DENND4C: variants seen among roughly 807,000 people sequenced by gnomAD.
The protein encoded by DENND4C is DENN domain-containing protein 4C.
Under a neutral mutation model 203.0 loss-of-function variants are expected in DENND4C, and 108 were observed. That is an observed-to-expected ratio of 0.53 (90% CI 0.46 to 0.62). The LOEUF is 0.62. DENND4C is among the 20% of genes least tolerant of loss of function. The probability of loss-of-function intolerance (pLI) is 0.00; values close to 1 mark genes in which losing one functional copy is unlikely to be tolerated. For synonymous variants in DENND4C, 871 were observed against 792.4 expected, an observed-to-expected ratio of 1.10 and a Z score of -1.67; for missense variants, 2,481 against 2,301.2, an observed-to-expected ratio of 1.08 and a Z score of -1.60.
intron 10 of DENND4C, among the ~76,000 whole-genome samples, chr9:19,315,171 AAG>A (rs1554632734): frequency 2.0e-5 from 3 of 148,714 alleles, no homozygotes; most frequent in African/African-American, 4.9e-5. Flanking sequence ...AAAAAAAAAA[AAG>A]AAAAGAAAAA....
chr9:19,345,984 C>G lies in DENND4C; in HGVS notation c.3215C>G (p.Ala1072Gly). 2 of 1,614,032 alleles carry G rather than the reference C, an allele frequency of 1.2e-6. No individual in the cohort carries two copies. Among genetic ancestry groups the G allele is most frequent in the East Asian group, 2.2e-5 (1 of 44,880 alleles). ...DPVEDAVFGEATNLKKNGDRG... is the reference protein window; with the variant it reads ...DPVEDAVFGEGTNLKKNGDRG... ...GTTGAAGATGCAGTCTTTGGCGAAG[C>G]TACTAATCTCAAGAAGAATGGTGAT... The change falls in exon 23 of 33, where the codon GCT becomes GGT. Residue 1072 changes from alanine (A) to glycine (G), a missense_variant. Transcript: ENST00000434457.
chr9:19,286,943 C>T lies in DENND4C; in HGVS notation c.480C>T (p.Ile160=). Reference sequence around the variant, plus strand: ...AGAATTCCTTGGCTGTAACTGATATCTGTGTTATTGTAACCAGTAAAGGAG... The same window carrying T: ...AGAATTCCTTGGCTGTAACTGATATTTGTGTTATTGTAACCAGTAAAGGAG... ...RPQNSLAVTD[I]CVIVTSKGET... is the part of the protein sequence containing the mutation. Residue 160 remains isoleucine (I), a synonymous_variant, in exon 3 of 33, where the codon ATC becomes ATT. Coordinates refer to ENST00000434457, the MANE Select transcript of DENND4C (RefSeq NM_001330640.2). 4.9e-6 allele frequency: 6 copies of T among 1,232,096 alleles called. No homozygotes were observed. Among genetic ancestry groups the T allele is most frequent in the Non-Finnish European group, 6.1e-6 (6 of 987,952 alleles). The allele number at this position is 1,232,096 out of a possible 1,614,324, so 76.3% of individuals were successfully genotyped here. A position where few individuals can be genotyped will look rare whatever the true frequency, so the allele number is the denominator to read the frequency against.
chr9:19,311,239 T>C (rs1029767392), intron 10 of DENND4C, among the ~76,000 whole-genome samples: 6 of 152,130 alleles, frequency 3.9e-5, no homozygotes, highest in Non-Finnish European at 7.4e-5. Context: ...TTCTTGTGCC[T>C]CAGCCTTCTG....
chr9:19,263,757 C>G (rs898961726), intron 1 of DENND4C, among the ~76,000 whole-genome samples: 2 of 151,662 alleles, frequency 1.3e-5, no homozygotes, highest in Non-Finnish European at 2.9e-5. Context: ...CGGGTTCAAG[C>G]GATTTTCTTG....
At chr9:19,274,012 A>C (rs1027716813) in intron 1 of DENND4C, among the ~76,000 whole-genome samples, 1 of 152,088 alleles carries the variant, frequency 6.6e-6, no homozygotes, top group African/African-American at 2.4e-5. Context: ...CTAAATGTCC[A>C]TTAATATAGG....
At chr9:19,299,921 A>T (rs1025389760) in intron 8 of DENND4C, among the ~76,000 whole-genome samples, 2 of 151,838 alleles carry the variant, frequency 1.3e-5, no homozygotes, top group African/African-American at 4.8e-5. Flanking sequence ...TCACCCCTTC[A>T]CTCCCATCCT....
In DENND4C at chr9:19,366,628, G is replaced by A. The variant is rs369826698; in HGVS notation, c.5525-3209G>A. On this transcript the variant is annotated intron_variant, in intron 30 of 32. Transcript: ENST00000434457. ...AAAAAAAGAATAGTCTTTTCAACACGTGCTGGGACAACAGGCTAGCAATAA... is the reference window on the plus strand; with the variant it reads ...AAAAAAAGAATAGTCTTTTCAACACATGCTGGGACAACAGGCTAGCAATAA... Among the ~76,000 whole-genome samples the A allele has an allele frequency of 8.5e-5, 13 of 152,212 alleles. No homozygotes were observed. The East Asian group carries it at 2.1e-3, about 25-fold the overall frequency.
At position 19,373,846 on chromosome 9, in the gene DENND4C, C is replaced by G. The variant is rs983228747; in HGVS notation, c.*1673C>G. On this transcript the variant is annotated 3_prime_UTR_variant, in exon 33 of 33. Transcript: ENST00000434457. ...CCCTTCTACCTGATGTAACCATTTA[C>G]AAATTATAGTTATTGTACCAGTCTT... 6.6e-6 allele frequency among the ~76,000 whole-genome samples: 1 copy of G among 152,162 alleles called. No homozygotes were observed. Among genetic ancestry groups the G allele is most frequent in the South Asian group, 2.1e-4 (1 of 4,834 alleles).
At position 19,290,767 on chromosome 9, in the gene DENND4C, C is replaced by A; in HGVS notation, c.692C>A (p.Pro231His). ...TTTCCACTCTCAGAATCAGATGTAC[C>A]TCTTTTCTGCCTTCCTATGGGAGCT... is the stretch of plus-strand genomic sequence containing the variant. ...ESFPLSESDV[P>H]LFCLPMGATI... is the part of the protein sequence containing the mutation. The change falls in exon 5 of 33, where the codon CCT becomes CAT. Residue 231 changes from proline to histidine, a missense_variant. By Grantham distance (77) the Pro-to-His change is moderately conservative (BLOSUM62 -2). This residue lies in a region of DENND4C where 2,289 missense variants were observed against 2,113.3 expected (regional missense o/e 1.08). Coordinates refer to ENST00000434457, the MANE Select transcript of DENND4C (RefSeq NM_001330640.2). The A allele has an allele frequency of 6.2e-7, 1 of 1,600,982 alleles. No homozygotes were observed. Among genetic ancestry groups the A allele is most frequent in the Non-Finnish European group, 8.5e-7 (1 of 1,172,972 alleles).
At chr9:19,313,968 G>C (rs534318013) in intron 10 of DENND4C, among the ~76,000 whole-genome samples, 71 of 152,324 alleles carry the variant, frequency 4.7e-4, no homozygotes, top group African/African-American at 1.6e-3. Flanking sequence ...TCTAATGCTA[G>C]CTACCTGGTG....
In DENND4C at chr9:19,316,495, A is replaced by G; in HGVS notation, c.1566A>G (p.Lys522=). The G allele has an allele frequency of 6.2e-7, 1 of 1,613,814 alleles. No individual in the cohort carries two copies. Among genetic ancestry groups the G allele is most frequent in the Admixed American group, 1.7e-5 (1 of 59,994 alleles). ...PCKNLLSTLK[K]LYPQLSSVHQ... Reference sequence around the variant, plus strand: ...AAAATCTACTTAGCACCTTAAAGAAATTGTATCCCCAGCTGTCTTCAGGTA... The same window carrying G: ...AAAATCTACTTAGCACCTTAAAGAAGTTGTATCCCCAGCTGTCTTCAGGTA... Residue 522 remains lysine, a synonymous_variant, in exon 11 of 33, where the codon AAA becomes AAG. Transcript: ENST00000434457.
In DENND4C at chr9:19,311,807, G is replaced by A. The variant is rs1199508138; in HGVS notation, c.1488-4610G>A. Among the ~76,000 whole-genome samples, 6 of 152,106 alleles carry A rather than the reference G, an allele frequency of 3.9e-5. No homozygotes were observed. The East Asian group carries it at 9.6e-4, about 24-fold the overall frequency. Reference sequence around the variant, plus strand: ...GCTATTTGAGGATGATGGGAAATAAGCAGTCTTTATGCATTCACTGCAGTT... The same window carrying A: ...GCTATTTGAGGATGATGGGAAATAAACAGTCTTTATGCATTCACTGCAGTT... On this transcript the variant is annotated intron_variant, in intron 10 of 32. Transcript: ENST00000434457.
chr9:19,354,405 A>G (rs1195844141), intron 26 of DENND4C, among the ~76,000 whole-genome samples: 2 of 151,970 alleles, frequency 1.3e-5, no homozygotes, highest in Non-Finnish European at 2.9e-5. Flanking sequence ...AGACGGCTGC[A>G]CTCCCACAAG....
intron 1 of DENND4C, among the ~76,000 whole-genome samples, chr9:19,264,713 G>C (rs987586550): frequency 2.6e-5 from 4 of 151,752 alleles, no homozygotes; most frequent in Non-Finnish European, 1.5e-5. Flanking sequence ...CTGGCTAAAG[G>C]TTTGTCCATT....
At position 19,288,627 on chromosome 9, in the gene DENND4C, A is replaced by G; in HGVS notation, c.590A>G (p.Lys197Arg). The change falls in exon 4 of 33, where the codon AAG becomes AGG. Residue 197 changes from lysine to arginine, a missense_variant. Around this residue, in one of 3 missense-constraint regions of DENND4C, gnomAD observed 2,289 missense variants for 2,113.3 expected, o/e 1.08. Transcript: ENST00000434457. Reference sequence around the variant, plus strand: ...TCCAGCGTGTTTCTGTGTTATAAGAAGTCTGTACCTGCTTCAAATGCAATA... The same window carrying G: ...TCCAGCGTGTTTCTGTGTTATAAGAGGTCTGTACCTGCTTCAAATGCAATA... ...WGSSVFLCYK[K>R]SVPASNAIAY... The G allele has an allele frequency of 8.1e-7, 1 of 1,231,862 alleles. No individual in the cohort carries two copies. Among genetic ancestry groups the G allele is most frequent in the Non-Finnish European group, 1.0e-6 (1 of 987,816 alleles). The allele number at this position is 1,231,862 out of a possible 1,614,324, so 76.3% of individuals were successfully genotyped here.
chr9:19,312,150 C>A (rs1387887314), intron 10 of DENND4C, among the ~76,000 whole-genome samples: 2 of 152,128 alleles, frequency 1.3e-5, no homozygotes, highest in Admixed American at 1.3e-4. Flanking sequence ...GTCGCCCAGG[C>A]TGGAGTGTAG....
intron 17 of DENND4C, among the ~76,000 whole-genome samples, chr9:19,333,732 A>G (rs1819800239): frequency 6.6e-6 from 1 of 152,218 alleles, no homozygotes; most frequent in African/African-American, 2.4e-5. Flanking sequence ...AGATACTGAT[A>G]TTATCCAGCT....
chr9:19,347,221 C>A, intron 23 of DENND4C, 135 bp downstream of exon 23: 1 of 813,476 alleles, frequency 1.2e-6, no homozygotes, highest in Non-Finnish European at 1.9e-6. Context: ...CTGTCTGCAA[C>A]CTCTGCCTCC....
intron 10 of DENND4C, among the ~76,000 whole-genome samples, chr9:19,309,171 C>G (rs556520089): frequency 6.6e-6 from 1 of 152,120 alleles, no homozygotes. Flanking sequence ...GCCTGTAATC[C>G]CAGTACTTTG....
Sources: gnomAD v4.1 joint callset for allele counts (sites outside exome capture counted in the v4.1 genomes callset) on GRCh38, gnomAD v4.1.1 for gene constraint, gnomAD v4.1.1 regional missense constraint, MANE v1.5 for transcripts, NCBI Gene and HGNC (gene_info 2026-07-23, HGNC 2026-07-21) for gene names.